Variants in FBXW4 observed in about 807,000 individuals in gnomAD.
FBXW4 encodes the protein F-box and WD repeat domain containing 4.
A neutral mutation model predicts 61.8 loss-of-function variants in FBXW4; 40 were observed. The observed-to-expected ratio is 0.65, with a 90% confidence interval of 0.50 to 0.84. FBXW4 has a LOEUF of 0.84. Ranked by LOEUF, FBXW4 falls within the 40% of genes least tolerant of loss-of-function variation. The pLI is 0.00. For missense variants in FBXW4, 672 were observed against 753.8 expected (o/e 0.89, Z 1.27); for synonymous variants, 311 against 313.8 (o/e 0.99, Z 0.10).
In FBXW4 at chr10:101,667,963, T is replaced by G. The variant is rs762642521; in HGVS notation, c.1158A>C (p.Ser386=). The change falls in exon 5 of 9, where the codon TCA becomes TCC. Residue 386 remains serine, a synonymous_variant. Coordinates refer to ENST00000331272, the MANE Select transcript of FBXW4 (RefSeq NM_022039.4). ...TGTGTAAGCACTGCCCCAGCCGGCC[T>G]GAGGCCAAAGGCCACACCTAGAAAC... ...DRTAKVWPLA[S]GRLGQCLHTI... is the part of the protein sequence containing the mutation. The G allele has an allele frequency of 6.2e-7, 1 of 1,614,112 alleles. No individual in the cohort carries two copies. The highest frequency in any genetic ancestry group is 8.5e-7 in the Non-Finnish European group (1 of 1,179,958).
rs547472266 is a variant in FBXW4, at chr10:101,631,520, C to G, written c.1236-6710G>C. On this transcript the variant is annotated intron_variant, in intron 5 of 8. Transcript: ENST00000331272. ...ACTAAAATGTTAAAAGTGATTGTGT[C>G]TGGGCAGTAGAATGATAAGCAATTC... Among the ~76,000 whole-genome samples, 10 of 152,000 alleles carry G rather than the reference C, an allele frequency of 6.6e-5. 1 individual carries two copies. In the South Asian group the frequency reaches 2.1e-3, roughly 32 times the overall value.
Position 101,667,984 on chromosome 10 carries a change from G to C in FBXW4, c.1141-4C>G, listed in dbSNP as rs1176568158. The C allele has an allele frequency of 6.2e-7, 1 of 1,612,802 alleles. No homozygotes were observed. The highest frequency in any genetic ancestry group is 8.5e-7 in the Non-Finnish European group (1 of 1,178,850). On this transcript the variant is annotated splice_region_variant and splice_polypyrimidine_tract_variant and intron_variant, in intron 4 of 8. Coordinates refer to ENST00000331272, the MANE Select transcript of FBXW4 (RefSeq NM_022039.4). ...GGCCTGAGGCCAAAGGCCACACCTAGAAACAGGAGAGGAGATGCTCTCGTT... is the reference window on the plus strand; with the variant it reads ...GGCCTGAGGCCAAAGGCCACACCTACAAACAGGAGAGGAGATGCTCTCGTT...
At chr10:101,665,677 A>C (rs1004503412) in intron 5 of FBXW4, among the ~76,000 whole-genome samples, 1 of 152,062 alleles carries the variant, frequency 6.6e-6, no homozygotes, top group African/African-American at 2.4e-5. Context: ...TGGCCAAAAA[A>C]CCCAAAATCA....
intron 5 of FBXW4, among the ~76,000 whole-genome samples, chr10:101,661,668 C>T (rs1025071738): frequency 4.6e-4 from 70 of 152,194 alleles, no homozygotes; most frequent in African/African-American, 1.7e-3. Flanking sequence ...GCAACTCTCT[C>T]ATCCAGGGCA....
At chr10:101,636,473 T>G (rs1741207431) in intron 5 of FBXW4, among the ~76,000 whole-genome samples, 1 of 152,006 alleles carries the variant, frequency 6.6e-6, no homozygotes, top group Admixed American at 6.6e-5. Flanking sequence ...GTATTTAATG[T>G]GTGCCCAAGT....
chr10:101,664,974 G>A (rs752577582), intron 5 of FBXW4, among the ~76,000 whole-genome samples: 10 of 152,064 alleles, frequency 6.6e-5, no homozygotes, highest in Non-Finnish European at 8.8e-5. Context: ...GGCTGGGAGC[G>A]GGAATGACTT....
At chr10:101,659,803 T>C (rs1178898932) in intron 5 of FBXW4, among the ~76,000 whole-genome samples, 1 of 152,196 alleles carries the variant, frequency 6.6e-6, no homozygotes, top group Non-Finnish European at 1.5e-5. Context: ...CATACACATA[T>C]CCATGTTAGA....
Position 101,646,111 on chromosome 10 carries a change from G to A in FBXW4, c.1236-21301C>T, listed in dbSNP as rs1589757259. 3.3e-5 allele frequency among the ~76,000 whole-genome samples: 5 copies of A among 152,280 alleles called. No individual in the cohort carries two copies. In the East Asian group the frequency reaches 9.6e-4, roughly 29 times the overall value. ...TGGCCAGGCCATAGAGCATCAATTG[G>A]GATTCTTGATCAAGGAAATGGCCTA... is the stretch of plus-strand genomic sequence containing the variant. On this transcript the variant is annotated intron_variant, in intron 5 of 8. Transcript: ENST00000331272.
intron 1 of FBXW4, among the ~76,000 whole-genome samples, chr10:101,691,461 C>A (rs1311013937): frequency 6.6e-6 from 1 of 152,152 alleles, no homozygotes; most frequent in Non-Finnish European, 1.5e-5. Context: ...GCCAGGACAC[C>A]TTACCCTAGG....
chr10:101,675,509 T>A (rs891304938), intron 2 of FBXW4, among the ~76,000 whole-genome samples: 6 of 152,146 alleles, frequency 3.9e-5, no homozygotes, highest in Non-Finnish European at 8.8e-5. Context: ...TCCTGTAGTT[T>A]CTTTACCATC....
intron 4 of FBXW4, 133 bp from the exon 5 acceptor site, chr10:101,668,113 G>C: frequency 1.5e-6 from 1 of 684,304 alleles, no homozygotes; most frequent in Non-Finnish European, 2.6e-6. Context: ...CAGAGCTCAG[G>C]TATCAGCAGA....
At position 101,694,880 on chromosome 10, in the gene FBXW4, C is replaced by G. The variant is rs566503072; in HGVS notation, c.226G>C (p.Gly76Arg). 2.2e-5 allele frequency: 27 copies of G among 1,243,690 alleles called. No individual in the cohort carries two copies. Among genetic ancestry groups the G allele is most frequent in the Middle Eastern group, 3.1e-4 (1 of 3,272 alleles). 77.0% of individuals were successfully genotyped at this position (1,243,690 alleles called of 1,614,324 possible). ...KEAAGPGADAGARACPREEAE... is the reference protein window; with the variant it reads ...KEAAGPGADARARACPREEAE... ...TCCTCCCTTGGGCATGCCCTCGCTC[C>G]CGCGTCAGCCCCCGGCCCGGCTGCC... The change falls in exon 1 of 9, where the codon GGA (glycine) becomes CGA (arginine). Residue 76 changes from glycine to arginine, a missense_variant. Around this residue, in one of 5 missense-constraint regions of FBXW4, gnomAD observed 311 missense variants for 301.1 expected, o/e 1.03. Transcript: ENST00000331272. This position sits in a 1 kb window ranked among gnomAD's most constrained non-coding sequence, Gnocchi z 6.0.
At chr10:101,685,030 CTA>C (rs2064520718) in intron 1 of FBXW4, among the ~76,000 whole-genome samples, 1 of 152,186 alleles carries the variant, frequency 6.6e-6, no homozygotes, top group African/African-American at 2.4e-5. Context: ...ATGCTTCACA[CTA>C]TGCAACTGGA....
At chr10:101,638,005 C>A (rs568395746) in intron 5 of FBXW4, among the ~76,000 whole-genome samples, 1 of 152,118 alleles carries the variant, frequency 6.6e-6, no homozygotes, top group Non-Finnish European at 1.5e-5. Context: ...ACACTGTTTG[C>A]GGGTATAGAA....
At chr10:101,659,426 A>G in intron 5 of FBXW4, 1 of 985,414 alleles carries the variant, frequency 1.0e-6, no homozygotes, top group Non-Finnish European at 1.2e-6. Context: ...CAGCCTCTGA[A>G]CAGAAAGAGA....
intron 1 of FBXW4, among the ~76,000 whole-genome samples, chr10:101,687,773 GCCCTTGCCCAATAT>G (rs777339014): frequency 3.9e-5 from 6 of 152,076 alleles, no homozygotes; most frequent in Non-Finnish European, 5.9e-5. Context: ...CTACACCCCA[GCCCTTGCCCAATAT>G]CCCTTGCCCA....
At chr10:101,663,556 C>T (rs1256767508) in intron 5 of FBXW4, among the ~76,000 whole-genome samples, 2 of 151,918 alleles carry the variant, frequency 1.3e-5, no homozygotes. Context: ...CTTCAGAAGG[C>T]CAAGGTGGGA....
intron 5 of FBXW4, among the ~76,000 whole-genome samples, chr10:101,636,730 G>T (rs2064004887): frequency 6.6e-6 from 1 of 151,938 alleles, no homozygotes; most frequent in Non-Finnish European, 1.5e-5. Flanking sequence ...TGGGATTACA[G>T]GTGCCTGCCA....
At chr10:101,660,653 C>T (rs572195082) in intron 5 of FBXW4, among the ~76,000 whole-genome samples, 1 of 152,328 alleles carries the variant, frequency 6.6e-6, no homozygotes, top group Admixed American at 6.5e-5. Flanking sequence ...TGGAAAAACA[C>T]AGGCACGTTG....
Sources: gnomAD v4.1 joint callset for allele counts (sites outside exome capture counted in the v4.1 genomes callset) on GRCh38, gnomAD v4.1.1 for gene constraint, gnomAD v4.1.1 regional missense constraint, Gnocchi (gnomAD v3.1) non-coding constraint, MANE v1.5 for transcripts, NCBI Gene and HGNC (gene_info 2026-07-23, HGNC 2026-07-21) for gene names.